AGPAT4: variants seen among roughly 807,000 people sequenced by gnomAD.
AGPAT4 encodes the protein 1-acylglycerol-3-phosphate O-acyltransferase 4.
Under a neutral mutation model 48.0 loss-of-function variants are expected in AGPAT4, and 15 were observed. That is an observed-to-expected ratio of 0.31 (90% CI 0.21 to 0.48). The LOEUF (loss-of-function observed/expected upper bound fraction) is 0.48, where lower values mean the gene tolerates loss of function less well. Ranked by LOEUF, AGPAT4 falls within the 20% of genes least tolerant of loss-of-function variation. AGPAT4 has a pLI of 0.99. For missense variants in AGPAT4, 314 were observed against 482.5 expected, an observed-to-expected ratio of 0.65 and a Z score of 3.27; for synonymous variants, 178 against 198.7, an observed-to-expected ratio of 0.90 and a Z score of 0.88.
Position 161,259,811 on chromosome 6 carries a change from C to T in AGPAT4, c.-90+14127G>A, listed in dbSNP as rs190175414. 7.2e-5 allele frequency among the ~76,000 whole-genome samples: 11 copies of T among 152,194 alleles called. No homozygotes were observed. Among genetic ancestry groups the T allele is most frequent in the African/African-American group, 2.6e-4 (11 of 41,560 alleles). Reference sequence around the variant, plus strand: ...CTGCCGAAAGAAAATGAAAGTCTTCCGGACAGGGGTCCACTTTTTACAATG... The same window carrying T: ...CTGCCGAAAGAAAATGAAAGTCTTCTGGACAGGGGTCCACTTTTTACAATG... On this transcript the variant is annotated intron_variant, in intron 1 of 8. Transcript: ENST00000320285. The surrounding 1 kb of genome is among the most constrained non-coding windows in gnomAD (Gnocchi z 4.9).
At chr6:161,192,142 C>CTTTTTTT (rs573872820) in intron 2 of AGPAT4, among the ~76,000 whole-genome samples, 8 of 45,652 alleles carry the variant, frequency 1.8e-4, no homozygotes, top group East Asian at 6.9e-4. Flanking sequence ...AGAAGTTATA[C>CTTTTTTT]TTTTTTTTTT....
In AGPAT4 at chr6:161,234,108, G is replaced by A. The variant is rs868358450; in HGVS notation, c.-89-1806C>T. On this transcript the variant is annotated intron_variant, in intron 1 of 8. Coordinates refer to ENST00000320285, the MANE Select transcript of AGPAT4 (RefSeq NM_020133.3). This position sits in a 1 kb window ranked among gnomAD's most constrained non-coding sequence, Gnocchi z 4.4. Reference sequence around the variant, plus strand: ...CAACTCCCTTTGGCAGAGCAGCCCAGAAATTCCCCCAAGGGCAGAAGACAG... The same window carrying A: ...CAACTCCCTTTGGCAGAGCAGCCCAAAAATTCCCCCAAGGGCAGAAGACAG... Among the ~76,000 whole-genome samples the A allele has an allele frequency of 6.6e-6, 1 of 152,278 alleles. No individual in the cohort carries two copies. Among genetic ancestry groups the A allele is most frequent in the South Asian group, 2.1e-4 (1 of 4,826 alleles).
Position 161,176,736 on chromosome 6 carries a change from C to T in AGPAT4, c.179-10319G>A, listed in dbSNP as rs1483573287. Among the ~76,000 whole-genome samples, 5 of 152,236 alleles carry T rather than the reference C, an allele frequency of 3.3e-5. No individual in the cohort carries two copies. The South Asian group carries it at 6.2e-4, about 19-fold the overall frequency. ...AATTGATGCAGTTTCTTCCTAGGAT[C>T]GATGGTCTTTACAATTTGGCATGTT... On this transcript the variant is annotated intron_variant, in intron 2 of 8. Transcript: ENST00000320285.
Position 161,165,492 on chromosome 6 carries a change from T to C in AGPAT4, c.348+756A>G, listed in dbSNP as rs1163534119. ...CATTGTTCCCAGGTGCAAAACCTGATCTCTAAGTTCTGGTGCAAACTCTTA... is the reference window on the plus strand; with the variant it reads ...CATTGTTCCCAGGTGCAAAACCTGACCTCTAAGTTCTGGTGCAAACTCTTA... On this transcript the variant is annotated intron_variant, in intron 3 of 8. Transcript: ENST00000320285. This position sits in a 1 kb window ranked among gnomAD's most constrained non-coding sequence, Gnocchi z 5.5. 1 of 885,824 alleles carries C rather than the reference T, an allele frequency of 1.1e-6. No homozygotes were observed. The highest frequency in any genetic ancestry group is 1.5e-6 in the Non-Finnish European group (1 of 674,770). 54.9% of individuals were successfully genotyped at this position (885,824 alleles called of 1,614,324 possible). A position where few individuals can be genotyped will look rare whatever the true frequency, so the allele number is the denominator to read the frequency against.
Position 161,132,243 on chromosome 6 carries a change from G to C in AGPAT4, c.*4297C>G, listed in dbSNP as rs937533324. 4 of 152,218 alleles carry C rather than the reference G, an allele frequency of 2.6e-5. No homozygotes were observed. The highest frequency in any genetic ancestry group is 6.5e-5 in the Admixed American group (1 of 15,286). The allele number at this position is 152,218 out of a possible 1,614,324, so 9.4% of individuals were successfully genotyped here. ...AATTGTTTTCAATTAAATTTCTGAA[G>C]ATCTTTGTAGGGAAGCACCCTTCTG... On this transcript the variant is annotated 3_prime_UTR_variant, in exon 9 of 9. Transcript: ENST00000320285.
chr6:161,224,094 T>A (rs1440609942), intron 2 of AGPAT4, among the ~76,000 whole-genome samples: 3 of 152,244 alleles, frequency 2.0e-5, no homozygotes, highest in Non-Finnish European at 4.4e-5. Flanking sequence ...AGATCTAAAT[T>A]AAAGCAATTT....
chr6:161,167,151 T>C (rs1780124366), intron 2 of AGPAT4, among the ~76,000 whole-genome samples: 2 of 152,160 alleles, frequency 1.3e-5, no homozygotes, highest in African/African-American at 2.4e-5. Context: ...ATGTGGGTGA[T>C]GGACTTTGAA....
At position 161,137,903 on chromosome 6, in the gene AGPAT4, C is replaced by T. The variant is rs192685464; in HGVS notation, c.1043-1269G>A. On this transcript the variant is annotated intron_variant, in intron 8 of 8. Coordinates refer to ENST00000320285, the MANE Select transcript of AGPAT4 (RefSeq NM_020133.3). The surrounding 1 kb of genome is among the most constrained non-coding windows in gnomAD (Gnocchi z 6.1). ...TGCACCCCTCAGATGCTCCTGGAGA[C>T]GCCCTGTGTCCACACTGCACCCTGG... 3.1e-4 allele frequency among the ~76,000 whole-genome samples: 47 copies of T among 152,196 alleles called. 1 individual carries two copies. The East Asian group carries it at 6.0e-3, about 19-fold the overall frequency.
Position 161,198,100 on chromosome 6 carries a change from T to G in AGPAT4, c.179-31683A>C, listed in dbSNP as rs1781120608. Among the ~76,000 whole-genome samples the G allele has an allele frequency of 6.6e-6, 1 of 152,026 alleles. No homozygotes were observed. Among genetic ancestry groups the G allele is most frequent in the Non-Finnish European group, 1.5e-5 (1 of 68,040 alleles). ...AATATTTCCCTTTACTGTTCCATAA[T>G]AAAGAACACATGTCTATTGTACTAA... On this transcript the variant is annotated intron_variant, in intron 2 of 8. Transcript: ENST00000320285. The surrounding 1 kb of genome is among the most constrained non-coding windows in gnomAD (Gnocchi z 4.3).
chr6:161,272,967 A>C lies in AGPAT4; in HGVS notation c.-90+971T>G, dbSNP rs1562366668. 6.6e-6 allele frequency among the ~76,000 whole-genome samples: 1 copy of C among 152,222 alleles called. No individual in the cohort carries two copies. The highest frequency in any genetic ancestry group is 2.4e-5 in the African/African-American group (1 of 41,450). On this transcript the variant is annotated intron_variant, in intron 1 of 8. Transcript: ENST00000320285. The surrounding 1 kb of genome is among the most constrained non-coding windows in gnomAD (Gnocchi z 4.2). Reference sequence around the variant, plus strand: ...TTGTTGAACTTAAGATTTGGAGCTAAATAAGTGCAGATGAGAGCAAAGACC... The same window carrying C: ...TTGTTGAACTTAAGATTTGGAGCTACATAAGTGCAGATGAGAGCAAAGACC...
rs1237651823 is a variant in AGPAT4 at position 161,273,997 on chromosome 6, C to G, written c.-149G>C. The G allele has an allele frequency of 6.6e-6, 1 of 151,854 alleles. No homozygotes were observed. The highest frequency in any genetic ancestry group is 1.5e-5 in the Non-Finnish European group (1 of 68,080). 9.4% of individuals were successfully genotyped at this position (151,854 alleles called of 1,614,324 possible). The stretch of plus-strand genomic sequence containing the variant: ...AAACCAGAAGCTGAGATGGAGCCGG[C>G]TGGGTTCAGAAATTGCCACTAGTTT... On this transcript the variant is annotated 5_prime_UTR_variant, in exon 1 of 9. Coordinates refer to ENST00000320285, the MANE Select transcript of AGPAT4 (RefSeq NM_020133.3).
rs1232978017 is a variant in AGPAT4, at chr6:161,164,445, G to A, written c.348+1803C>T. Among the ~76,000 whole-genome samples the A allele has an allele frequency of 6.6e-6, 1 of 152,208 alleles. No homozygotes were observed. The highest frequency in any genetic ancestry group is 1.5e-5 in the Non-Finnish European group (1 of 68,044). On this transcript the variant is annotated intron_variant, in intron 3 of 8. Transcript: ENST00000320285. The surrounding 1 kb of genome is among the most constrained non-coding windows in gnomAD (Gnocchi z 7.4). The stretch of plus-strand genomic sequence containing the variant: ...GAGGCCTTTGCACATCACGAGCCAG[G>A]AAGGTATTAGAAGCCTGGTCCTTAC...
At position 161,218,164 on chromosome 6, in the gene AGPAT4, C is replaced by G. The variant is rs538749354; in HGVS notation, c.178+13872G>C. 6.6e-6 allele frequency among the ~76,000 whole-genome samples: 1 copy of G among 152,286 alleles called. No homozygotes were observed. The highest frequency in any genetic ancestry group is 2.1e-4 in the South Asian group (1 of 4,828). On this transcript the variant is annotated intron_variant, in intron 2 of 8. Coordinates refer to ENST00000320285, the MANE Select transcript of AGPAT4 (RefSeq NM_020133.3). This position sits in a 1 kb window ranked among gnomAD's most constrained non-coding sequence, Gnocchi z 4.7. ...CAAGATGACTGTAGCTCTCTACCCCCGTCCACAGTGACGGTGCCAATGGTG... is the reference window on the plus strand; with the variant it reads ...CAAGATGACTGTAGCTCTCTACCCCGGTCCACAGTGACGGTGCCAATGGTG...
At position 161,177,848 on chromosome 6, in the gene AGPAT4, G is replaced by A. The variant is rs573212591; in HGVS notation, c.179-11431C>T. Among the ~76,000 whole-genome samples, 58 of 152,260 alleles carry A rather than the reference G, an allele frequency of 3.8e-4. 1 individual carries two copies. In the South Asian group the frequency reaches 9.7e-3, roughly 26 times the overall value. On this transcript the variant is annotated intron_variant, in intron 2 of 8. Transcript: ENST00000320285. The surrounding 1 kb of genome is among the most constrained non-coding windows in gnomAD (Gnocchi z 5.0). ...GAGTTTTAGTGTGGATGTCCTTTCC[G>A]TTTGTTAGTTTTCCTTCTAACAGTC...
intron 1 of AGPAT4, among the ~76,000 whole-genome samples, chr6:161,253,531 G>A (rs1782862243): frequency 6.6e-6 from 1 of 151,680 alleles, no homozygotes; most frequent in South Asian, 2.1e-4. Context: ...TGGGATTACA[G>A]GCATGAGCCA....
At chr6:161,145,406 A>T (rs1227016398) in intron 7 of AGPAT4, among the ~76,000 whole-genome samples, 1 of 151,642 alleles carries the variant, frequency 6.6e-6, no homozygotes, top group African/African-American at 2.4e-5. Context: ...CTACATAGGA[A>T]AGAGGCCCAC....
At chr6:161,241,385 ACAAAC>A (rs1782485307) in intron 1 of AGPAT4, among the ~76,000 whole-genome samples, 1 of 152,182 alleles carries the variant, frequency 6.6e-6, no homozygotes, top group South Asian at 2.1e-4. Flanking sequence ...GTCTGTTAAA[ACAAAC>A]CAAACTCTGA....
In AGPAT4 at chr6:161,231,204, G is replaced by A. The variant is rs540781025; in HGVS notation, c.178+832C>T. 3.2e-4 allele frequency among the ~76,000 whole-genome samples: 48 copies of A among 152,110 alleles called. No homozygotes were observed. Among genetic ancestry groups the A allele is most frequent in the Middle Eastern group, 3.4e-3 (1 of 294 alleles). On this transcript the variant is annotated intron_variant, in intron 2 of 8. Coordinates refer to ENST00000320285, the MANE Select transcript of AGPAT4 (RefSeq NM_020133.3). The surrounding 1 kb of genome is among the most constrained non-coding windows in gnomAD (Gnocchi z 5.3). ...TATATCATTATTAATATCACACTGCGTTCTCTACTTTTAAGAATAGGTATA... is the reference window on the plus strand; with the variant it reads ...TATATCATTATTAATATCACACTGCATTCTCTACTTTTAAGAATAGGTATA...
chr6:161,244,704 CA>C lies in AGPAT4; in HGVS notation c.-89-12403del, dbSNP rs1299272808. On this transcript the variant is annotated intron_variant, in intron 1 of 8. Coordinates refer to ENST00000320285, the MANE Select transcript of AGPAT4 (RefSeq NM_020133.3). This position sits in a 1 kb window ranked among gnomAD's most constrained non-coding sequence, Gnocchi z 4.7. ...GACATCTCCGATCCAGTAAAGCCGA[CA>C]AGGGTGCACACATCTCTCCCTTTGG... Among the ~76,000 whole-genome samples the C allele has an allele frequency of 2.6e-5, 4 of 152,194 alleles. No individual in the cohort carries two copies. Among genetic ancestry groups the C allele is most frequent in the African/African-American group, 9.6e-5 (4 of 41,458 alleles).
Sources: gnomAD v4.1 joint callset for allele counts (sites outside exome capture counted in the v4.1 genomes callset) on GRCh38, gnomAD v4.1.1 for gene constraint, Gnocchi (gnomAD v3.1) non-coding constraint, MANE v1.5 for transcripts, NCBI Gene and HGNC (gene_info 2026-07-23, HGNC 2026-07-21) for gene names.